Variants in VSX2 observed in about 807,000 individuals in gnomAD.
VSX2 encodes ceh-10 homeo domain containing homolog.
Under a neutral mutation model 32.1 loss-of-function variants are expected in VSX2, and 28 were observed. That is an observed-to-expected ratio of 0.87 (90% CI 0.65 to 1.20). VSX2 has a LOEUF of 1.20. Ranked by LOEUF, VSX2 falls within the 50% of genes most tolerant of loss-of-function variation. The pLI is 0.00. For synonymous variants in VSX2, 243 were observed against 214.1 expected (o/e 1.14, Z -1.18); for missense variants, 506 against 488.7 (o/e 1.04, Z -0.33).
intron 3 of VSX2, among the ~76,000 whole-genome samples, chr14:74,256,355 C>A (rs531046999): frequency 5.6e-4 from 85 of 152,244 alleles, no homozygotes; most frequent in African/African-American, 1.9e-3. Context: ...TGCTTGAATG[C>A]GGAAGGTGGA....
intron 3 of VSX2, among the ~76,000 whole-genome samples, chr14:74,256,202 G>T (rs542906841): frequency 6.6e-6 from 1 of 152,162 alleles, no homozygotes. Context: ...AGGCCAAGGC[G>T]GGTGGATCAC....
intron 3 of VSX2, among the ~76,000 whole-genome samples, chr14:74,253,899 C>T (rs1040865108): frequency 5.3e-5 from 8 of 152,070 alleles, no homozygotes; most frequent in African/African-American, 1.9e-4. Flanking sequence ...CATTGCACTC[C>T]AGCCTGGGCA....
Position 74,245,199 on chromosome 14 carries a change from G to C in VSX2, c.490G>C (p.Glu164Gln), listed in dbSNP as rs898972555. 1.2e-6 allele frequency: 2 copies of C among 1,613,708 alleles called. No homozygotes were observed. Among genetic ancestry groups the C allele is most frequent in the Middle Eastern group, 1.7e-4 (1 of 6,060 alleles). ...TACCTCCTACCAGCTAGAGGAGCTG[G>C]AGAAGGCATTCAACGAAGCCCACTA... ...IFTSYQLEEL[E>Q]KAFNEAHYPD... The change falls in exon 3 of 5, where the codon GAG becomes CAG. Residue 164 changes from glutamate (E) to glutamine (Q), a missense_variant. Glu to Gln is a conservative substitution (Grantham distance 29, BLOSUM62 2). Coordinates refer to ENST00000261980, the MANE Select transcript of VSX2 (RefSeq NM_182894.3).
intron 2 of VSX2, among the ~76,000 whole-genome samples, chr14:74,242,674 T>C (rs1335160332): frequency 2.6e-5 from 4 of 151,998 alleles, no homozygotes; most frequent in Non-Finnish European, 4.4e-5. Context: ...AAACACTTTT[T>C]ATGCACCCAT....
Position 74,239,541 on chromosome 14 carries a change from GC to G in VSX2, c.-17del. 6.4e-7 allele frequency: 1 copy of G among 1,550,746 alleles called. No homozygotes were observed. Among genetic ancestry groups the G allele is most frequent in the Non-Finnish European group, 8.7e-7 (1 of 1,146,960 alleles). ...GGGGAGCTAAAGACCTGCGGCCTCAGCCCCTCCAAAGAACAGGGAGATGACG... is the reference window on the plus strand; with the variant it reads ...GGGGAGCTAAAGACCTGCGGCCTCAGCCCTCCAAAGAACAGGGAGATGACG... On this transcript the variant is annotated 5_prime_UTR_variant, in exon 1 of 5. Transcript: ENST00000261980.
intron 3 of VSX2, among the ~76,000 whole-genome samples, chr14:74,247,918 G>T (rs1486159052): frequency 6.6e-6 from 1 of 152,030 alleles, no homozygotes; most frequent in East Asian, 1.9e-4. Context: ...TCGACCAGCA[G>T]CCCACCTGTG....
In VSX2 at chr14:74,255,962, G is replaced by A. The variant is rs571673611; in HGVS notation, c.580-3640G>A. On this transcript the variant is annotated intron_variant, in intron 3 of 4. Transcript: ENST00000261980. ...TTTGCTGAGAAATCGAAGCTGATGG[G>A]TTTGATCATGAGGTGCTGCTGCTGC... Among the ~76,000 whole-genome samples, 3 of 152,344 alleles carry A rather than the reference G, an allele frequency of 2.0e-5. 1 individual carries two copies. Among genetic ancestry groups the A allele is most frequent in the African/African-American group, 7.2e-5 (3 of 41,580 alleles).
chr14:74,245,718 G>A (rs2079188116), intron 3 of VSX2, among the ~76,000 whole-genome samples: 1 of 151,918 alleles, frequency 6.6e-6, no homozygotes, highest in African/African-American at 2.4e-5. Context: ...CCTGACCCCA[G>A]TCTGTTTCCC....
At chr14:74,258,226 G>A (rs949233579) in intron 3 of VSX2, among the ~76,000 whole-genome samples, 1 of 152,362 alleles carries the variant, frequency 6.6e-6, no homozygotes, top group South Asian at 2.1e-4. Context: ...CGGGAGAGCA[G>A]CCGCTTTAAT....
intron 1 of VSX2, among the ~76,000 whole-genome samples, chr14:74,240,832 T>C (rs34692843): frequency 0.81 from 122,554 of 152,182 alleles, 49,794 homozygotes; most frequent in Admixed American, 0.88. Context: ...GCCCGGGGCA[T>C]TGGGGCTGGC....
chr14:74,252,942 A>G (rs905056329), intron 3 of VSX2, among the ~76,000 whole-genome samples: 9 of 150,346 alleles, frequency 6.0e-5, no homozygotes, highest in Non-Finnish European at 1.2e-4. Context: ...CCAGCTACTC[A>G]GGAGGCTGAG....
At chr14:74,247,418 G>A (rs2079199751) in intron 3 of VSX2, among the ~76,000 whole-genome samples, 1 of 152,198 alleles carries the variant, frequency 6.6e-6, no homozygotes, top group Admixed American at 6.5e-5. Flanking sequence ...GGGTGACAGT[G>A]GCACCTGCCT....
chr14:74,250,706 T>G (rs10132020), intron 3 of VSX2, among the ~76,000 whole-genome samples: 50,128 of 151,138 alleles, frequency 0.33, 8,751 homozygotes, highest in East Asian at 0.67. Flanking sequence ...CAGGGCAGAT[T>G]TTTTTTTTCT....
chr14:74,241,614 G>T (rs773921767), intron 2 of VSX2, among the ~76,000 whole-genome samples: 3 of 152,184 alleles, frequency 2.0e-5, no homozygotes, highest in Non-Finnish European at 2.9e-5. Context: ...ACCCGGCGGC[G>T]GGCAGATTAG....
rs1432817932 is a variant in VSX2, at chr14:74,260,771, C to T, written c.938C>T (p.Ala313Val). ...ENSIAVLRAKAQEHSTKVLGT... is the reference protein window; with the variant it reads ...ENSIAVLRAKVQEHSTKVLGT... ...AGCATTGCGGTGCTCCGGGCCAAAGCTCAGGAGCACAGCACCAAAGTGCTG... is the reference window on the plus strand; with the variant it reads ...AGCATTGCGGTGCTCCGGGCCAAAGTTCAGGAGCACAGCACCAAAGTGCTG... The change falls in exon 5 of 5, where the codon GCT becomes GTT. Residue 313 changes from alanine to valine, a missense_variant. Physicochemically the swap from Ala to Val is moderately conservative, Grantham distance 64. Coordinates refer to ENST00000261980, the MANE Select transcript of VSX2 (RefSeq NM_182894.3). 1 of 1,583,894 alleles carries T rather than the reference C, an allele frequency of 6.3e-7. No individual in the cohort carries two copies. Among genetic ancestry groups the T allele is most frequent in the Non-Finnish European group, 8.6e-7 (1 of 1,165,178 alleles).
intron 2 of VSX2, 143 bp from the exon 3 acceptor site, chr14:74,245,022 G>C: frequency 1.2e-6 from 1 of 866,590 alleles, no homozygotes; most frequent in South Asian, 1.5e-5. Context: ...GAGAGAGAGA[G>C]AGAGAGAATT....
intron 1 of VSX2, 141 bp from the exon 2 acceptor site, chr14:74,241,041 C>G: frequency 1.2e-6 from 1 of 807,462 alleles, no homozygotes; most frequent in South Asian, 1.5e-5. Context: ...GGACGGCCAC[C>G]GGGGCGCCCG....
intron 3 of VSX2, among the ~76,000 whole-genome samples, chr14:74,246,310 A>G (rs1429926416): frequency 1.3e-5 from 2 of 152,080 alleles, no homozygotes; most frequent in Non-Finnish European, 2.9e-5. Flanking sequence ...GGTTCCTTGT[A>G]TCTCCAGGTG....
At chr14:74,251,746 C>T (rs561348757) in intron 3 of VSX2, among the ~76,000 whole-genome samples, 1 of 152,310 alleles carries the variant, frequency 6.6e-6, no homozygotes, top group South Asian at 2.1e-4. Flanking sequence ...AGCAAGACTC[C>T]ACTTGTCTGA....
Sources: allele counts gnomAD v4.1 joint callset (sites outside exome capture counted in the v4.1 genomes callset), GRCh38; gene constraint gnomAD v4.1.1; transcripts MANE v1.5; gene names NCBI Gene and HGNC (gene_info 2026-07-23, HGNC 2026-07-21).